Variants in AKAP6 observed in about 807,000 individuals in gnomAD.
The protein encoded by AKAP6 is A-kinase anchor protein 6.
In AKAP6, 58 loss-of-function variants were observed where a neutral mutation model predicts 188.5. The observed-to-expected ratio is 0.31, with a 90% CI of 0.25 to 0.38. The LOEUF (loss-of-function observed/expected upper bound fraction) is 0.38. Among genes scored for constraint, AKAP6 ranks in the 10% least tolerant of loss-of-function variants. The pLI, the probability that AKAP6 is intolerant of heterozygous loss-of-function variation, is 1.00. For missense variants in AKAP6, 2,710 were observed against 2,740.0 expected, an observed-to-expected ratio of 0.99 and a Z score of 0.24; for synonymous variants, 989 against 998.6, an observed-to-expected ratio of 0.99 and a Z score of 0.18.
chr14:32,660,763 A>G (rs1888653159), intron 7 of AKAP6, among the ~76,000 whole-genome samples: 1 of 152,110 alleles, frequency 6.6e-6, no homozygotes, highest in Admixed American at 6.6e-5. Context: ...CACAGAGAAT[A>G]TGGAAATGCT....
At chr14:32,582,837 C>T (rs1281075482) in intron 5 of AKAP6, among the ~76,000 whole-genome samples, 2 of 152,166 alleles carry the variant, frequency 1.3e-5, no homozygotes, top group African/African-American at 4.8e-5. Context: ...CTTTCAGCTC[C>T]ATCAGCTCCT....
At chr14:32,540,166 C>CTATATATATATA (rs1459842154) in intron 3 of AKAP6, among the ~76,000 whole-genome samples, 1 of 87,428 alleles carries the variant, frequency 1.1e-5, no homozygotes, top group African/African-American at 6.2e-5. Flanking sequence ...CTCTCTCTCT[C>CTATATATATATA]TCTATATATA....
intron 4 of AKAP6, among the ~76,000 whole-genome samples, chr14:32,553,899 C>T (rs1299720926): frequency 1.3e-5 from 2 of 152,156 alleles, no homozygotes; most frequent in Non-Finnish European, 1.5e-5. Flanking sequence ...TCAACACCTA[C>T]GGGAACTTCT....
chr14:32,507,163 G>A (rs1032711441), intron 2 of AKAP6, among the ~76,000 whole-genome samples: 2 of 152,106 alleles, frequency 1.3e-5, no homozygotes, highest in Admixed American at 6.5e-5. Context: ...CTTGTTATTT[G>A]TCAGTGATAT....
rs1176137789 is a variant in AKAP6, at chr14:32,836,090, C to T, written c.*6285C>T. On this transcript the variant is annotated 3_prime_UTR_variant, in exon 14 of 14. Transcript: ENST00000280979. ...CTTGCATTTTGAAGTAAATCATTGC[C>T]TGCATAAAGCAACTCTTTTGTCTCT... 6.6e-6 allele frequency: 1 copy of T among 152,246 alleles called. No homozygotes were observed. The highest frequency in any genetic ancestry group is 1.5e-5 in the Non-Finnish European group (1 of 68,058). 9.4% of individuals were successfully genotyped at this position (152,246 alleles called of 1,614,324 possible).
chr14:32,612,109 G>A (rs1170188705), intron 7 of AKAP6, among the ~76,000 whole-genome samples: 2 of 152,150 alleles, frequency 1.3e-5, no homozygotes, highest in African/African-American at 4.8e-5. Flanking sequence ...AAATTTTCCA[G>A]TCCTGTGTGA....
chr14:32,667,417 T>A (rs187182334), intron 7 of AKAP6, among the ~76,000 whole-genome samples: 10 of 152,048 alleles, frequency 6.6e-5, no homozygotes, highest in African/African-American at 2.4e-4. Context: ...ACCTGAGACA[T>A]CTTGTTCAGG....
At chr14:32,684,048 A>G (rs1021075206) in intron 8 of AKAP6, among the ~76,000 whole-genome samples, 1 of 152,208 alleles carries the variant, frequency 6.6e-6, no homozygotes, top group Admixed American at 6.5e-5. Flanking sequence ...AGGGGAATGC[A>G]GAGGAAGAAT....
chr14:32,664,988 A>G (rs1430100278), intron 7 of AKAP6, among the ~76,000 whole-genome samples: 2 of 152,172 alleles, frequency 1.3e-5, no homozygotes, highest in African/African-American at 4.8e-5. Flanking sequence ...AGTGAAGAAT[A>G]TTGAAATTCA....
chr14:32,337,231 G>C (rs972060756), intron 1 of AKAP6, among the ~76,000 whole-genome samples: 1 of 152,214 alleles, frequency 6.6e-6, no homozygotes, highest in Admixed American at 6.5e-5. Context: ...TTGTCCTTTA[G>C]GGTTATTGGT....
At chr14:32,724,921 G>A (rs1439939423) in intron 9 of AKAP6, among the ~76,000 whole-genome samples, 1 of 126,858 alleles carries the variant, frequency 7.9e-6, no homozygotes, top group Non-Finnish European at 1.6e-5. Flanking sequence ...TCAGCTAAAA[G>A]CCACAACAGA....
chr14:32,685,855 CA>C (rs1402693056), intron 8 of AKAP6, among the ~76,000 whole-genome samples: 1 of 151,736 alleles, frequency 6.6e-6, no homozygotes, highest in Admixed American at 6.6e-5. Context: ...TAAATTCGTA[CA>C]ACCACTATGG....
intron 12 of AKAP6, among the ~76,000 whole-genome samples, chr14:32,777,845 C>T (rs1231896313): frequency 6.6e-6 from 1 of 152,066 alleles, no homozygotes; most frequent in East Asian, 1.9e-4. Context: ...CAAGACCAAC[C>T]TGGGCAACAT....
chr14:32,611,719 A>T (rs1225060275), intron 7 of AKAP6, among the ~76,000 whole-genome samples: 2 of 152,090 alleles, frequency 1.3e-5, no homozygotes, highest in African/African-American at 4.8e-5. Flanking sequence ...GCAGCTGGGG[A>T]ATGGTATTAT....
At chr14:32,795,462 C>G (rs1245140316) in intron 12 of AKAP6, among the ~76,000 whole-genome samples, 2 of 152,216 alleles carry the variant, frequency 1.3e-5, no homozygotes, top group Admixed American at 1.3e-4. Flanking sequence ...ACCTTTATCC[C>G]CAGGATGCAA....
At chr14:32,789,841 G>A (rs980461304) in intron 12 of AKAP6, among the ~76,000 whole-genome samples, 13 of 152,216 alleles carry the variant, frequency 8.5e-5, no homozygotes, top group Admixed American at 7.9e-4. Context: ...CACCTCTCCA[G>A]CAAGGGCACA....
chr14:32,800,041 C>A (rs1454846922), intron 12 of AKAP6, among the ~76,000 whole-genome samples: 1 of 102,702 alleles, frequency 9.7e-6, no homozygotes, highest in East Asian at 2.3e-4. Flanking sequence ...AAAACCCTGT[C>A]TCTCTCTCTC....
intron 9 of AKAP6, among the ~76,000 whole-genome samples, chr14:32,719,221 G>A (rs2030395756): frequency 6.6e-6 from 1 of 152,100 alleles, no homozygotes; most frequent in Non-Finnish European, 1.5e-5. Flanking sequence ...TTGTGTTTTG[G>A]GAACAGGCAA....
chr14:32,545,745 T>G lies in AKAP6; in HGVS notation c.1092T>G (p.Cys364Trp), dbSNP rs776440824. Reference sequence around the variant, plus strand: ...CAAAGAATCAGCAGCCTGTTCCTTGTGAAAATGCAACCCCCAAACGAACCA... The same window carrying G: ...CAAAGAATCAGCAGCCTGTTCCTTGGGAAAATGCAACCCCCAAACGAACCA... ...HDAKNQQPVP[C>W]ENATPKRTIR... Residue 364 changes from cysteine to tryptophan, a missense_variant, in exon 4 of 14, where the codon TGT becomes TGG. By Grantham distance (215) the Cys-to-Trp change is radical. Around this residue, in one of 2 missense-constraint regions of AKAP6, gnomAD observed 2,473 missense variants for 2,426.1 expected, o/e 1.02. Transcript: ENST00000280979. The G allele has an allele frequency of 6.2e-5, 100 of 1,614,102 alleles. No individual in the cohort carries two copies. The highest frequency in any genetic ancestry group is 8.1e-5 in the Non-Finnish European group (96 of 1,180,042).
Sources: allele counts gnomAD v4.1 joint callset (sites outside exome capture counted in the v4.1 genomes callset), GRCh38; gene constraint gnomAD v4.1.1; regional missense constraint gnomAD v4.1.1; transcripts MANE v1.5; gene names NCBI Gene and HGNC (gene_info 2026-07-23, HGNC 2026-07-21).